PRKG1: variants seen among roughly 807,000 people sequenced by gnomAD.
PRKG1 encodes protein kinase cGMP-dependent 1, also known as cGMP-dependent protein kinase 1.
PRKG1 carries 35 observed loss-of-function variants against 88.1 expected under a neutral mutation model. The ratio of observed to expected loss-of-function variants is 0.40; its 90% confidence interval spans 0.30 to 0.53. PRKG1 has a LOEUF of 0.53. Among genes scored for constraint, PRKG1 ranks in the 20% least tolerant of loss-of-function variants. The pLI, the probability that PRKG1 is intolerant of heterozygous loss-of-function variation, is 0.59. For synonymous variants in PRKG1, 303 were observed against 292.5 expected, an observed-to-expected ratio of 1.04 and a Z score of -0.37; for missense variants, 540 against 839.8, an observed-to-expected ratio of 0.64 and a Z score of 4.41.
At chr10:51,711,217 T>A (rs1841741443) in intron 3 of PRKG1, among the ~76,000 whole-genome samples, 1 of 152,156 alleles carries the variant, frequency 6.6e-6, no homozygotes, top group Non-Finnish European at 1.5e-5. Context: ...GCCATTCTCC[T>A]GTCTCAGCCT....
rs1839489167 is a variant in PRKG1 at position 52,195,783 on chromosome 10, A to G, written c.1076+33820A>G. On this transcript the variant is annotated intron_variant, in intron 9 of 17. Coordinates refer to ENST00000373980, the MANE Select transcript of PRKG1 (RefSeq NM_006258.4). ...AATTAAATATTTTTATCAATTTTGAATTAATTATATTTATGGATTAATTAT... is the reference window on the plus strand; with the variant it reads ...AATTAAATATTTTTATCAATTTTGAGTTAATTATATTTATGGATTAATTAT... 2.0e-5 allele frequency among the ~76,000 whole-genome samples: 3 copies of G among 152,250 alleles called. 1 individual carries two copies. Among genetic ancestry groups the G allele is most frequent in the Middle Eastern group, 6.8e-3 (2 of 294 alleles).
At chr10:51,994,991 C>T (rs373670651) in intron 5 of PRKG1, among the ~76,000 whole-genome samples, 1 of 152,046 alleles carries the variant, frequency 6.6e-6, no homozygotes, top group Non-Finnish European at 1.5e-5. Context: ...TACATCAGCT[C>T]ATTGAATCTT....
chr10:52,143,404 C>T (rs1425666425), intron 8 of PRKG1, among the ~76,000 whole-genome samples: 1 of 152,154 alleles, frequency 6.6e-6, no homozygotes, highest in Non-Finnish European at 1.5e-5. Flanking sequence ...AGTAGTATCC[C>T]TCACCTCTCC....
chr10:51,385,437 C>A (rs1172348653), intron 2 of PRKG1, among the ~76,000 whole-genome samples: 2 of 152,114 alleles, frequency 1.3e-5, no homozygotes, highest in Admixed American at 6.6e-5. Context: ...TAAATGCAAG[C>A]AATTTTTTAA....
intron 2 of PRKG1, among the ~76,000 whole-genome samples, chr10:51,295,932 C>T (rs1244385002): frequency 6.6e-6 from 1 of 151,976 alleles, no homozygotes; most frequent in African/African-American, 2.4e-5. Flanking sequence ...TTGAGATGAT[C>T]ATATTGTTTT....
chr10:52,243,708 GTTATC>G (rs138085074), intron 9 of PRKG1, among the ~76,000 whole-genome samples: 6,844 of 152,122 alleles, frequency 0.045, 232 homozygotes, highest in South Asian at 0.19. Flanking sequence ...AAAAGTATTT[GTTATC>G]TTATCTTCAC....
chr10:51,894,656 T>G (rs1014893800), intron 4 of PRKG1, among the ~76,000 whole-genome samples: 8 of 152,166 alleles, frequency 5.3e-5, no homozygotes, highest in Admixed American at 5.2e-4. Context: ...CGGAAACAAC[T>G]GGCCCAGGAC....
intron 2 of PRKG1, among the ~76,000 whole-genome samples, chr10:51,264,498 A>C (rs1311171015): frequency 6.6e-6 from 1 of 152,196 alleles, no homozygotes; most frequent in African/African-American, 2.4e-5. Context: ...AAAAATATAC[A>C]TGGACATGTA....
At chr10:51,302,537 C>A in intron 2 of PRKG1, 1 of 140,008 alleles carries the variant, frequency 7.1e-6, no homozygotes, top group Admixed American at 7.8e-5. Flanking sequence ...TTAAATGACT[C>A]ATTGGTAGCA....
intron 3 of PRKG1, among the ~76,000 whole-genome samples, chr10:51,776,948 T>C (rs546223295): frequency 4.3e-4 from 66 of 152,338 alleles, no homozygotes; most frequent in Non-Finnish European, 8.5e-4. Flanking sequence ...TGAAGTCTTA[T>C]AGAAGCTCTC....
rs34401585 is a variant in PRKG1, at chr10:51,172,600, CTATGTATGTATG to C, written c.478+19310_478+19321del. On this transcript the variant is annotated intron_variant, in intron 2 of 17. Coordinates refer to ENST00000373980, the MANE Select transcript of PRKG1 (RefSeq NM_006258.4). ...GATCTATCTGTATACCTATGTCTGT[CTATGTATGTATG>C]TATGTATGTATGTATGTATGTATGT... Among the ~76,000 whole-genome samples the C allele has an allele frequency of 3.9e-3, 551 of 141,600 alleles. 3 individuals are homozygous for C. The highest frequency in any genetic ancestry group is 0.016 in the East Asian group (72 of 4,614). 92.9% of individuals were successfully genotyped at this position (141,600 alleles called of 152,430 possible). A position where few individuals can be genotyped will look rare whatever the true frequency, so the allele number is the denominator to read the frequency against.
At chr10:51,665,446 A>T (rs1038519817) in intron 3 of PRKG1, among the ~76,000 whole-genome samples, 6 of 152,258 alleles carry the variant, frequency 3.9e-5, no homozygotes, top group African/African-American at 1.4e-4. Flanking sequence ...AGTTATCTGA[A>T]TCTTGATTTT....
intron 3 of PRKG1, chr10:51,568,737 A>G (rs1367434402): frequency 6.9e-6 from 1 of 144,064 alleles, no homozygotes; most frequent in African/African-American, 2.9e-5. Context: ...TAAGAATTCT[A>G]AAAGCATCAT....
At chr10:51,122,732 C>G (rs1045530629) in intron 1 of PRKG1, among the ~76,000 whole-genome samples, 3 of 152,168 alleles carry the variant, frequency 2.0e-5, no homozygotes, top group Admixed American at 6.5e-5. Context: ...ACTGATTTGA[C>G]ACTGGCAACT....
intron 2 of PRKG1, among the ~76,000 whole-genome samples, chr10:51,292,051 A>G (rs1840597456): frequency 6.6e-6 from 1 of 152,140 alleles, no homozygotes; most frequent in African/African-American, 2.4e-5. Flanking sequence ...GGGAGCCTTA[A>G]AAAGACAGAG....
At position 51,043,891 on chromosome 10, in the gene PRKG1, C is replaced by T. The variant is rs114871750; in HGVS notation, c.266+52247C>T. 2.6e-3 allele frequency among the ~76,000 whole-genome samples: 391 copies of T among 152,204 alleles called. 1 individual carries two copies. Among genetic ancestry groups the T allele is most frequent in the African/African-American group, 8.9e-3 (369 of 41,548 alleles). ...TGACAGTTCTGGTATTCAAAGGTCC[C>T]GTGATGGGACTGCTCAGTTATGTGC... On this transcript the variant is annotated intron_variant, in intron 1 of 17. Transcript: ENST00000401604.
intron 1 of PRKG1, among the ~76,000 whole-genome samples, chr10:51,077,893 A>G (rs541592039): frequency 6.6e-5 from 10 of 152,340 alleles, no homozygotes; most frequent in African/African-American, 2.4e-4. Flanking sequence ...AAAATGAAAA[A>G]CAAAACCTAA....
intron 3 of PRKG1, among the ~76,000 whole-genome samples, chr10:51,536,460 A>G (rs1340226958): frequency 1.3e-5 from 2 of 152,034 alleles, no homozygotes; most frequent in Non-Finnish European, 2.9e-5. Flanking sequence ...ATGGTTTGCA[A>G]ATATATTTTC....
chr10:51,337,792 A>G (rs1406872594), intron 2 of PRKG1, among the ~76,000 whole-genome samples: 2 of 152,198 alleles, frequency 1.3e-5, no homozygotes, highest in Non-Finnish European at 2.9e-5. Context: ...ATGCTTTTAC[A>G]CTGTTGGTGG....
Sources: gnomAD v4.1 joint callset for allele counts (sites outside exome capture counted in the v4.1 genomes callset) on GRCh38, gnomAD v4.1.1 for gene constraint, MANE v1.5 for transcripts, NCBI Gene and HGNC (gene_info 2026-07-23, HGNC 2026-07-21) for gene names.